Variants in FHIT observed in about 807,000 individuals in gnomAD.
The protein encoded by FHIT is bis(5'-adenosyl)-triphosphatase.
FHIT carries 19 observed loss-of-function variants against 17.9 expected under a neutral mutation model. The ratio of observed to expected loss-of-function variants is 1.06; its 90% CI spans 0.74 to 1.56. FHIT has a LOEUF of 1.56. Ranked by LOEUF, FHIT falls within the 40% of genes most tolerant of loss-of-function variation. FHIT has a pLI of 0.00. For missense variants in FHIT, 248 were observed against 189.2 expected (o/e 1.31, Z -1.82); for synonymous variants, 81 against 69.7 (o/e 1.16, Z -0.81).
chr3:60,707,438 C>T (rs573874789), intron 4 of FHIT, among the ~76,000 whole-genome samples: 2 of 152,218 alleles, frequency 1.3e-5, no homozygotes, highest in African/African-American at 4.8e-5. Flanking sequence ...AATCTATCCA[C>T]GGATAAATTA....
At chr3:60,070,091 C>G (rs1702699550) in intron 5 of FHIT, among the ~76,000 whole-genome samples, 2 of 152,082 alleles carry the variant, frequency 1.3e-5, no homozygotes, top group African/African-American at 4.8e-5. Flanking sequence ...GTGGACCATG[C>G]TGCTTTGCAA....
chr3:60,461,378 T>C (rs1165391070), intron 5 of FHIT, among the ~76,000 whole-genome samples: 1 of 152,136 alleles, frequency 6.6e-6, no homozygotes. Flanking sequence ...AGAAAGAGAC[T>C]CTCCAGCAGC....
rs575882666 is a variant in FHIT at position 60,050,075 on chromosome 3, G to A, written c.104-35923C>T. On this transcript the variant is annotated intron_variant, in intron 5 of 9. Coordinates refer to ENST00000492590, the MANE Select transcript of FHIT (RefSeq NM_002012.4). ...ATTAGCCATTCAAAGTTCCCCTTTC[G>A]TAAACTGCCCATTTATATCTTTGCT... Among the ~76,000 whole-genome samples, 11 of 152,144 alleles carry A rather than the reference G, an allele frequency of 7.2e-5. No homozygotes were observed. In the South Asian group the frequency reaches 1.2e-3, roughly 17 times the overall value.
chr3:61,247,336 A>C (rs1235126984), intron 1 of FHIT, among the ~76,000 whole-genome samples: 1 of 152,076 alleles, frequency 6.6e-6, no homozygotes, highest in Non-Finnish European at 1.5e-5. Flanking sequence ...CAGCTTTAGA[A>C]AGAAGCACTG....
intron 1 of FHIT, among the ~76,000 whole-genome samples, 173 bp downstream of exon 1, chr3:61,251,128 G>A (rs375845315): frequency 1.1e-3 from 167 of 152,286 alleles, no homozygotes; most frequent in Non-Finnish European, 1.5e-3. Context: ...TGGGGGGCCC[G>A]AGTCCCCACC....
chr3:59,878,315 T>C (rs1056665896), intron 8 of FHIT, among the ~76,000 whole-genome samples: 5 of 152,158 alleles, frequency 3.3e-5, no homozygotes, highest in Non-Finnish European at 7.4e-5. Context: ...CATAAGACAG[T>C]TCAGAAGAGA....
At chr3:60,326,159 G>C (rs569983727) in intron 5 of FHIT, among the ~76,000 whole-genome samples, 1 of 152,150 alleles carries the variant, frequency 6.6e-6, no homozygotes, top group East Asian at 1.9e-4. Flanking sequence ...GGGCTGGCAG[G>C]GGGGTGGTGA....
intron 7 of FHIT, among the ~76,000 whole-genome samples, chr3:59,988,494 C>T (rs1039340089): frequency 2.6e-5 from 4 of 152,024 alleles, no homozygotes; most frequent in Admixed American, 2.6e-4. Flanking sequence ...CATCCATTCA[C>T]TCATTCATTC....
At chr3:59,870,094 T>C (rs1702851661) in intron 8 of FHIT, among the ~76,000 whole-genome samples, 1 of 152,198 alleles carries the variant, frequency 6.6e-6, no homozygotes, top group South Asian at 2.1e-4. Context: ...CTCAAGGTCA[T>C]ACAGCTGAGA....
At chr3:60,281,190 A>G (rs961745381) in intron 5 of FHIT, among the ~76,000 whole-genome samples, 2 of 152,172 alleles carry the variant, frequency 1.3e-5, no homozygotes, top group Non-Finnish European at 2.9e-5. Context: ...CTGATGAAAG[A>G]AATAAAATCT....
intron 4 of FHIT, among the ~76,000 whole-genome samples, chr3:60,660,882 A>G (rs782333767): frequency 6.6e-6 from 1 of 150,598 alleles, no homozygotes; most frequent in Non-Finnish European, 1.5e-5. Context: ...TCTTTGTGTA[A>G]TATGTGGTTT....
At chr3:59,948,474 GC>G (rs1706945009) in intron 7 of FHIT, among the ~76,000 whole-genome samples, 2 of 151,622 alleles carry the variant, frequency 1.3e-5, no homozygotes. Flanking sequence ...CTGAGATCAT[GC>G]CACTGCACTC....
chr3:60,798,894 A>C (rs1277603420), intron 4 of FHIT, among the ~76,000 whole-genome samples: 1 of 150,560 alleles, frequency 6.6e-6, no homozygotes, highest in Non-Finnish European at 1.5e-5. Context: ...AGTAGCTGGG[A>C]TCACAGGTGT....
rs572278483 is a variant in FHIT, at chr3:60,192,176, G to A, written c.104-178024C>T. On this transcript the variant is annotated intron_variant, in intron 5 of 9. Transcript: ENST00000492590. ...GGAGGCAAGAGAATCGCTCGAGCCC[G>A]GGAGGCGGAGGTTGCAGTGAGCTGA... Among the ~76,000 whole-genome samples the A allele has an allele frequency of 2.2e-4, 34 of 151,758 alleles. 1 individual carries two copies. The highest frequency in any genetic ancestry group is 3.9e-4 in the Admixed American group (6 of 15,220).
intron 5 of FHIT, among the ~76,000 whole-genome samples, chr3:60,427,711 G>C (rs1214747556): frequency 6.6e-6 from 1 of 152,032 alleles, no homozygotes; most frequent in Non-Finnish European, 1.5e-5. Context: ...ATCTATATGT[G>C]ATTATTGCTA....
chr3:60,623,173 A>G (rs953461630), intron 4 of FHIT, among the ~76,000 whole-genome samples: 1 of 152,228 alleles, frequency 6.6e-6, no homozygotes, highest in Admixed American at 6.5e-5. Context: ...TGAGCAAGAA[A>G]TAACTTTTTT....
intron 5 of FHIT, among the ~76,000 whole-genome samples, chr3:60,220,817 C>G (rs1001211386): frequency 6.6e-6 from 1 of 152,186 alleles, no homozygotes; most frequent in African/African-American, 2.4e-5. Flanking sequence ...AGCCGACATT[C>G]ATTTCTTCAC....
chr3:60,533,589 G>A (rs1029854011), intron 5 of FHIT, among the ~76,000 whole-genome samples: 8 of 152,248 alleles, frequency 5.3e-5, no homozygotes. Flanking sequence ...ACAAACAGAG[G>A]ACAGAGTTTT....
chr3:60,757,311 G>A (rs1249715057), intron 4 of FHIT, among the ~76,000 whole-genome samples: 1 of 152,170 alleles, frequency 6.6e-6, no homozygotes, highest in African/African-American at 2.4e-5. Flanking sequence ...GAAGATCAGA[G>A]AGTGAACAAG....
Sources: allele counts gnomAD v4.1 joint callset (sites outside exome capture counted in the v4.1 genomes callset), GRCh38; gene constraint gnomAD v4.1.1; transcripts MANE v1.5; gene names NCBI Gene and HGNC (gene_info 2026-07-23, HGNC 2026-07-21).